ARID1A: variants seen among roughly 807,000 people sequenced by gnomAD.
ARID1A encodes the protein AT-rich interactive domain-containing protein 1A.
A neutral mutation model predicts 212.6 loss-of-function variants in ARID1A; 20 were observed. The observed-to-expected ratio is 0.09, with a 90% CI of 0.07 to 0.14. ARID1A has a LOEUF of 0.14. ARID1A is among the 10% of genes least tolerant of loss of function. The pLI is 1.00. For synonymous variants in ARID1A, 1,376 were observed against 1,222.1 expected (o/e 1.13, Z -2.63); for missense variants, 2,587 against 3,059.0 (o/e 0.85, Z 3.64).
At position 26,756,012 on chromosome 1, in the gene ARID1A, G is replaced by A. The variant is rs911432108; in HGVS notation, c.1921-4844G>A. Among the ~76,000 whole-genome samples the A allele has an allele frequency of 5.3e-5, 8 of 151,898 alleles. 1 individual carries two copies. Among genetic ancestry groups the A allele is most frequent in the Admixed American group, 5.2e-4 (8 of 15,262 alleles). ...CCTGCCTCGGCCTCCCAAAGTGCTG[G>A]GATTACAGACGTGAGCCACCGCGCC... On this transcript the variant is annotated intron_variant, in intron 4 of 19. Coordinates refer to ENST00000324856, the MANE Select transcript of ARID1A (RefSeq NM_006015.6).
intron 6 of ARID1A, 40 bp downstream of exon 6, chr1:26,761,513 C>T (rs372030303): frequency 6.2e-7 from 1 of 1,603,304 alleles, no homozygotes; most frequent in Non-Finnish European, 8.5e-7. Context: ...GGAGCTAGGG[C>T]AGACATTTGA....
intron 1 of ARID1A, among the ~76,000 whole-genome samples, chr1:26,724,434 A>G (rs992437335): frequency 2.6e-5 from 4 of 152,182 alleles, no homozygotes; most frequent in African/African-American, 7.2e-5. Flanking sequence ...TTTAAATAAA[A>G]TTATGAAGTT....
rs2081038544 is a variant in ARID1A at position 26,766,271 on chromosome 1, C to T, written c.2783C>T (p.Pro928Leu). ...MNQGGMMGTGPPYGQGINSMA... is the reference protein window; with the variant it reads ...MNQGGMMGTGLPYGQGINSMA... ...CAAGGGGGCATGATGGGAACTGGAC[C>T]TCCTTATGGACAAGGGATTAATAGT... Residue 928 changes from proline (P) to leucine (L), a missense_variant, in exon 9 of 20, where the codon CCT becomes CTT. Pro to Leu is a moderately conservative substitution (Grantham distance 98). Transcript: ENST00000324856. 1 of 1,614,138 alleles carries T rather than the reference C, an allele frequency of 6.2e-7. No homozygotes were observed. Among genetic ancestry groups the T allele is most frequent in the Non-Finnish European group, 8.5e-7 (1 of 1,180,026 alleles).
At chr1:26,706,286 A>G (rs1007226781) in intron 1 of ARID1A, among the ~76,000 whole-genome samples, 5 of 152,128 alleles carry the variant, frequency 3.3e-5, no homozygotes, top group Non-Finnish European at 5.9e-5. Flanking sequence ...GCTCATCACT[A>G]GCAGCCAAGA....
chr1:26,697,583 TG>T (rs2124745640), intron 1 of ARID1A, 43 bp downstream of exon 1: 2 of 1,276,480 alleles, frequency 1.6e-6, no homozygotes, highest in Non-Finnish European at 2.0e-6. Context: ...AGCGTGGTCC[TG>T]GGGGTGGGTG....
chr1:26,762,639 G>A (rs2081002917), intron 7 of ARID1A, among the ~76,000 whole-genome samples: 2 of 152,120 alleles, frequency 1.3e-5, no homozygotes, highest in Non-Finnish European at 2.9e-5. Context: ...ATTATTTTTA[G>A]TGAATAAGTC....
rs2081180057 is a variant in ARID1A at position 26,780,379 on chromosome 1, C to T, written c.6481C>T (p.Pro2161Ser). Residue 2161 changes from proline to serine, a missense_variant, in exon 20 of 20, where the codon CCG becomes TCG. Pro to Ser is a moderately conservative substitution (Grantham distance 74). Transcript: ENST00000324856. This position sits in a 1 kb window ranked among gnomAD's most constrained non-coding sequence, Gnocchi z 7.2. ...GCGCTTCCTCAGTGACCGAAAGAAC[C>T]CGGTGTGCCGGGAGATGGCTGTGGT... ...MVRFLSDRKN[P>S]VCREMAVVLL... 1 of 1,614,218 alleles carries T rather than the reference C, an allele frequency of 6.2e-7. No individual in the cohort carries two copies. The highest frequency in any genetic ancestry group is 8.5e-7 in the Non-Finnish European group (1 of 1,180,028).
intron 19 of ARID1A, chr1:26,776,002 C>G: frequency 2.1e-6 from 1 of 486,262 alleles, no homozygotes; most frequent in Admixed American, 2.9e-5. Context: ...ACCACATTTT[C>G]TAGAAGAATC....
intron 1 of ARID1A, among the ~76,000 whole-genome samples, chr1:26,725,151 A>G (rs2080604588): frequency 6.6e-6 from 1 of 151,942 alleles, no homozygotes; most frequent in African/African-American, 2.4e-5. Flanking sequence ...CATTGAAAGG[A>G]TTTCCTCTGT....
At chr1:26,757,245 G>A (rs1399452556) in intron 4 of ARID1A, among the ~76,000 whole-genome samples, 2 of 149,310 alleles carry the variant, frequency 1.3e-5, no homozygotes, top group Admixed American at 6.7e-5. Context: ...TGAGGCGAGC[G>A]GATGGAGGTC....
intron 1 of ARID1A, among the ~76,000 whole-genome samples, chr1:26,728,030 C>T (rs2124782545): frequency 6.6e-6 from 1 of 152,256 alleles, no homozygotes; most frequent in East Asian, 1.9e-4. Context: ...TGATAGGGAA[C>T]ATTATTGGAG....
In ARID1A at chr1:26,696,976, C is replaced by A. The variant is rs1362929502; in HGVS notation, c.573C>A (p.Gly191=). The A allele has an allele frequency of 4.0e-6, 6 of 1,491,974 alleles. No individual in the cohort carries two copies. The East Asian group carries it at 1.4e-4, about 35-fold the overall frequency. The allele number at this position is 1,491,974 out of a possible 1,614,324, so 92.4% of individuals were successfully genotyped here. The change falls in exon 1 of 20, where the codon GGC becomes GGA. Residue 191 remains glycine (G), a synonymous_variant. Coordinates refer to ENST00000324856, the MANE Select transcript of ARID1A (RefSeq NM_006015.6). ...CGCTGCAGAGCGGCGGCGGCGGGGG[C>A]CTGGAGCCCTACGCGGGGCCCCAGC... is the stretch of plus-strand genomic sequence containing the variant. ...LAALQSGGGG[G]LEPYAGPQQN... is the part of the protein sequence containing the mutation.
At chr1:26,752,449 T>C (rs548333650) in intron 4 of ARID1A, among the ~76,000 whole-genome samples, 46 of 152,240 alleles carry the variant, frequency 3.0e-4, no homozygotes, top group Non-Finnish European at 5.1e-4. Flanking sequence ...ACTGAAACTT[T>C]ATTGTACAAG....
chr1:26,745,832 A>G (rs1409605099), intron 4 of ARID1A, among the ~76,000 whole-genome samples: 1 of 152,194 alleles, frequency 6.6e-6, no homozygotes, highest in Non-Finnish European at 1.5e-5. Context: ...CGGTGAGATC[A>G]CCTGAGGTTG....
intron 19 of ARID1A, among the ~76,000 whole-genome samples, chr1:26,777,480 C>T (rs2081147406): frequency 6.6e-6 from 1 of 151,578 alleles, no homozygotes; most frequent in Non-Finnish European, 1.5e-5. Context: ...GATTGACCTA[C>T]CTCAGCCTCT....
rs1463707738 is a variant in ARID1A at position 26,782,002 on chromosome 1, CTTT to C, written c.*1251_*1253del. The C allele has an allele frequency of 1.3e-5, 3 of 232,940 alleles. No homozygotes were observed. Among genetic ancestry groups the C allele is most frequent in the African/African-American group, 4.4e-5 (2 of 45,284 alleles). 14.4% of individuals were successfully genotyped at this position (232,940 alleles called of 1,614,324 possible). On this transcript the variant is annotated 3_prime_UTR_variant, in exon 20 of 20. Coordinates refer to ENST00000324856, the MANE Select transcript of ARID1A (RefSeq NM_006015.6). ...AGCTAAAACTTGATGTAAATTCCTC[CTTT>C]TTTTCCTTTTTTGGCTTAATGAATA... is the stretch of plus-strand genomic sequence containing the variant.
At chr1:26,725,412 A>G (rs551265882) in intron 1 of ARID1A, among the ~76,000 whole-genome samples, 1 of 152,314 alleles carries the variant, frequency 6.6e-6, no homozygotes, top group Non-Finnish European at 1.5e-5. Flanking sequence ...TTTAAATGTC[A>G]TAAGTGTGAG....
At chr1:26,741,406 A>G (rs2080787392) in intron 4 of ARID1A, among the ~76,000 whole-genome samples, 1 of 151,936 alleles carries the variant, frequency 6.6e-6, no homozygotes, top group Non-Finnish European at 1.5e-5. Flanking sequence ...GGGAAAGAGC[A>G]CTCTTGAAAT....
At chr1:26,754,488 T>C (rs1014588717) in intron 4 of ARID1A, among the ~76,000 whole-genome samples, 1 of 152,198 alleles carries the variant, frequency 6.6e-6, no homozygotes, top group African/African-American at 2.4e-5. Flanking sequence ...CCTGACCATA[T>C]GGTGCTAGGG....
Sources: gnomAD v4.1 joint callset for allele counts (sites outside exome capture counted in the v4.1 genomes callset) on GRCh38, gnomAD v4.1.1 for gene constraint, Gnocchi (gnomAD v3.1) non-coding constraint, MANE v1.5 for transcripts, NCBI Gene and HGNC (gene_info 2026-07-23, HGNC 2026-07-21) for gene names.